The following ST18 variants were observed in gnomAD, a reference collection of about 807,000 sequenced individuals.
The protein encoded by ST18 is suppression of tumorigenicity 18 protein.
A neutral mutation model predicts 110.0 loss-of-function variants in ST18; 50 were observed. That is an observed-to-expected ratio of 0.45 (90% CI 0.36 to 0.58). The LOEUF is 0.58. Ranked by LOEUF, ST18 falls within the 20% of genes least tolerant of loss-of-function variation. ST18 has a pLI of 0.00. For missense variants in ST18, 1,306 were observed against 1,280.1 expected (o/e 1.02, Z -0.31); for synonymous variants, 461 against 452.4 (o/e 1.02, Z -0.24).
intron 2 of ST18, among the ~76,000 whole-genome samples, chr8:52,297,185 G>C (rs997661828): frequency 6.6e-6 from 1 of 152,196 alleles, no homozygotes; most frequent in Non-Finnish European, 1.5e-5. Context: ...CAGGCTGTGG[G>C]GGGTGCAGTC....
chr8:52,119,751 A>G (rs987428370), intron 23 of ST18, among the ~76,000 whole-genome samples: 3 of 152,224 alleles, frequency 2.0e-5, no homozygotes, highest in Admixed American at 2.0e-4. Flanking sequence ...CGAAGAGAAA[A>G]AAAGTAAGCC....
chr8:52,284,788 G>C (rs1004875600), intron 2 of ST18, among the ~76,000 whole-genome samples: 3 of 152,136 alleles, frequency 2.0e-5, no homozygotes, highest in African/African-American at 7.2e-5. Flanking sequence ...AGGGGGACTG[G>C]AGTGAAGGAG....
intron 2 of ST18, among the ~76,000 whole-genome samples, chr8:52,268,454 G>GTCTA (rs1228746665): frequency 4.8e-5 from 7 of 146,694 alleles, no homozygotes; most frequent in African/African-American, 1.3e-4. Flanking sequence ...TCTATCTATC[G>GTCTA]TCTATCTATC....
chr8:52,248,763 A>C (rs2094057048), intron 2 of ST18, among the ~76,000 whole-genome samples: 1 of 152,200 alleles, frequency 6.6e-6, no homozygotes, highest in Admixed American at 6.6e-5. Context: ...GATTCACAGT[A>C]ATGATTCTAT....
chr8:52,190,011 C>T (rs1404693279), intron 8 of ST18, among the ~76,000 whole-genome samples: 1 of 152,162 alleles, frequency 6.6e-6, no homozygotes, highest in Non-Finnish European at 1.5e-5. Context: ...GAATGGCAAA[C>T]ATTAGTACAG....
chr8:52,134,793 A>G (rs1324506471), intron 19 of ST18, among the ~76,000 whole-genome samples: 1 of 152,178 alleles, frequency 6.6e-6, no homozygotes, highest in Admixed American at 6.5e-5. Context: ...TTTATAGCAT[A>G]TTGATTGGAA....
At chr8:52,200,525 C>A (rs929454162) in intron 8 of ST18, among the ~76,000 whole-genome samples, 2 of 152,080 alleles carry the variant, frequency 1.3e-5, no homozygotes, top group African/African-American at 4.8e-5. Context: ...GGAGACCAGG[C>A]CAGAGTAAAG....
chr8:52,281,604 T>C (rs942588347), intron 2 of ST18, among the ~76,000 whole-genome samples: 9 of 152,200 alleles, frequency 5.9e-5, no homozygotes, highest in African/African-American at 2.2e-4. Flanking sequence ...TAGCTAATGG[T>C]ATCACAGATT....
At chr8:52,175,175 C>G (rs2066423443) in intron 9 of ST18, among the ~76,000 whole-genome samples, 1 of 152,186 alleles carries the variant, frequency 6.6e-6, no homozygotes, top group Admixed American at 6.5e-5. Context: ...CCTGTGTACC[C>G]TGTGGAGGCC....
At chr8:52,277,967 CT>C (rs1325112378) in intron 2 of ST18, among the ~76,000 whole-genome samples, 1 of 152,038 alleles carries the variant, frequency 6.6e-6, no homozygotes, top group African/African-American at 2.4e-5. Context: ...CAACAGGACA[CT>C]TCATTAGGTT....
At chr8:52,398,195 A>C (rs543180228) in intron 2 of ST18, among the ~76,000 whole-genome samples, 3 of 152,242 alleles carry the variant, frequency 2.0e-5, no homozygotes, top group Non-Finnish European at 2.9e-5. Context: ...TTGAAATGGG[A>C]TCATTTTCTT....
chr8:52,314,287 G>A (rs1564474130), intron 2 of ST18, among the ~76,000 whole-genome samples: 1 of 152,220 alleles, frequency 6.6e-6, no homozygotes, highest in Non-Finnish European at 1.5e-5. Flanking sequence ...ACAGGACTGT[G>A]TGCCGCTGGT....
intron 2 of ST18, among the ~76,000 whole-genome samples, chr8:52,253,051 G>A (rs1420699431): frequency 6.6e-6 from 1 of 150,982 alleles, no homozygotes; most frequent in African/African-American, 2.4e-5. Context: ...TCTTTTTAGT[G>A]TATTGGATTT....
At chr8:52,340,869 T>C (rs1814653946) in intron 2 of ST18, among the ~76,000 whole-genome samples, 1 of 152,170 alleles carries the variant, frequency 6.6e-6, no homozygotes, top group Non-Finnish European at 1.5e-5. Flanking sequence ...CAGTGAACCT[T>C]AGCAACAATG....
intron 2 of ST18, among the ~76,000 whole-genome samples, chr8:52,382,866 T>G (rs1373403509): frequency 6.6e-6 from 1 of 151,950 alleles, no homozygotes; most frequent in Non-Finnish European, 1.5e-5. Flanking sequence ...GAGATGGCTC[T>G]CGGGGGACAC....
At chr8:52,284,449 G>A (rs1365273816) in intron 2 of ST18, among the ~76,000 whole-genome samples, 1 of 152,188 alleles carries the variant, frequency 6.6e-6, no homozygotes, top group Non-Finnish European at 1.5e-5. Context: ...AAATGAGGGG[G>A]ATGACCGATG....
At chr8:52,202,791 C>A (rs1035218443) in intron 8 of ST18, among the ~76,000 whole-genome samples, 7 of 152,086 alleles carry the variant, frequency 4.6e-5, no homozygotes, top group Non-Finnish European at 7.4e-5. Flanking sequence ...TCAGAAGTAG[C>A]ATTAGGTGTA....
At chr8:52,379,614 A>T in intron 2 of ST18, among the ~76,000 whole-genome samples, 1 of 152,188 alleles carries the variant, frequency 6.6e-6, no homozygotes, top group Non-Finnish European at 1.5e-5. Context: ...TTGAAAAAAA[A>T]TTAGAAAAAG....
intron 2 of ST18, among the ~76,000 whole-genome samples, chr8:52,359,648 A>G (rs1340311913): frequency 6.6e-6 from 1 of 152,132 alleles, no homozygotes; most frequent in Non-Finnish European, 1.5e-5. Context: ...ATTTGTCCCT[A>G]TTCAAGTAGT....
Sources: gnomAD v4.1 joint callset for allele counts (sites outside exome capture counted in the v4.1 genomes callset) on GRCh38, gnomAD v4.1.1 for gene constraint, MANE v1.5 for transcripts, NCBI Gene and HGNC (gene_info 2026-07-23, HGNC 2026-07-21) for gene names.